Variants in GRAMD1C observed in about 807,000 individuals in gnomAD.
The protein encoded by GRAMD1C is protein Aster-C.
In GRAMD1C, 89 loss-of-function variants were observed where a neutral mutation model predicts 97.8. The ratio of observed to expected loss-of-function variants is 0.91; its 90% CI spans 0.77 to 1.09. GRAMD1C has a LOEUF of 1.09. Among genes scored for constraint, GRAMD1C ranks in the 50% least tolerant of loss-of-function variants. The pLI is 0.00. For synonymous variants in GRAMD1C, 256 were observed against 267.0 expected (o/e 0.96, Z 0.40); for missense variants, 740 against 766.4 (o/e 0.97, Z 0.41).
intron 8 of GRAMD1C, among the ~76,000 whole-genome samples, chr3:113,905,130 G>A (rs1241138275): frequency 1.3e-5 from 2 of 152,146 alleles, no homozygotes; most frequent in Non-Finnish European, 2.9e-5. Flanking sequence ...CAGCATGCCC[G>A]GCCAACACTT....
At chr3:113,848,996 C>CAAAT (rs1438924873) in intron 2 of GRAMD1C, among the ~76,000 whole-genome samples, 1 of 151,446 alleles carries the variant, frequency 6.6e-6, no homozygotes, top group Non-Finnish European at 1.5e-5. Context: ...AACAAACAAA[C>CAAAT]AACCAAAAAA....
intron 2 of GRAMD1C, among the ~76,000 whole-genome samples, chr3:113,867,687 G>C (rs1036181655): frequency 2.0e-5 from 3 of 152,150 alleles, no homozygotes; most frequent in African/African-American, 7.2e-5. Flanking sequence ...TTTTTCAACT[G>C]TATGTGATGA....
At chr3:113,842,248 C>T (rs926848898) in intron 1 of GRAMD1C, among the ~76,000 whole-genome samples, 11 of 152,146 alleles carry the variant, frequency 7.2e-5, no homozygotes, top group African/African-American at 2.4e-4. Context: ...TTAGTGGGAA[C>T]TCTAGGTATA....
At chr3:113,848,413 T>C (rs1010106497) in intron 2 of GRAMD1C, among the ~76,000 whole-genome samples, 1 of 152,222 alleles carries the variant, frequency 6.6e-6, no homozygotes, top group Non-Finnish European at 1.5e-5. Flanking sequence ...TCTATGGCTG[T>C]TGATAGTGAG....
intron 6 of GRAMD1C, chr3:113,886,126 A>G (rs924006031): frequency 6.1e-6 from 9 of 1,484,134 alleles, no homozygotes; most frequent in African/African-American, 1.4e-5. Context: ...GTCCAATGTG[A>G]GGACTGCCTG....
In GRAMD1C at chr3:113,902,342, T is replaced by G. The variant is rs146337716; in HGVS notation, c.656+1196T>G. Among the ~76,000 whole-genome samples, 641 of 152,338 alleles carry G rather than the reference T, an allele frequency of 4.2e-3. 13 individuals carry two copies. The highest frequency in any genetic ancestry group is 0.033 in the South Asian group (161 of 4,830). Reference sequence around the variant, plus strand: ...GTAAAGTTAAAAATTTCCATTGTATTGTTCTCCTTGAGAAGTTTAGTAGCC... The same window carrying G: ...GTAAAGTTAAAAATTTCCATTGTATGGTTCTCCTTGAGAAGTTTAGTAGCC... On this transcript the variant is annotated intron_variant, in intron 7 of 17. Transcript: ENST00000358160.
At chr3:113,859,446 A>G (rs1351528855) in intron 2 of GRAMD1C, among the ~76,000 whole-genome samples, 1 of 152,206 alleles carries the variant, frequency 6.6e-6, no homozygotes, top group Non-Finnish European at 1.5e-5. Flanking sequence ...GTCAGAAAAT[A>G]TACACTGTTT....
intron 7 of GRAMD1C, among the ~76,000 whole-genome samples, chr3:113,901,804 AG>A (rs764612333): frequency 1.3e-5 from 2 of 152,236 alleles, no homozygotes; most frequent in Non-Finnish European, 2.9e-5. Flanking sequence ...AAAACAATTA[AG>A]GAGAATACAT....
At chr3:113,858,394 A>AT (rs71144094) in intron 2 of GRAMD1C, among the ~76,000 whole-genome samples, 55,150 of 108,716 alleles carry the variant, frequency 0.51, 15,144 homozygotes, top group Middle Eastern at 0.68. Context: ...TCCCAGCTAC[A>AT]TTTTTTTTTT....
At chr3:113,926,488 C>CCTAT (rs1937233637) in intron 10 of GRAMD1C, among the ~76,000 whole-genome samples, 1 of 151,982 alleles carries the variant, frequency 6.6e-6, no homozygotes, top group African/African-American at 2.4e-5. Context: ...GATTTTCATT[C>CCTAT]CTATCTATAT....
chr3:113,898,099 G>C (rs949844684), intron 6 of GRAMD1C, among the ~76,000 whole-genome samples: 6 of 152,044 alleles, frequency 3.9e-5, no homozygotes, highest in Non-Finnish European at 7.4e-5. Flanking sequence ...AGCTTGAAAA[G>C]TATATTGTGA....
intron 2 of GRAMD1C, among the ~76,000 whole-genome samples, chr3:113,862,386 A>C (rs1442836745): frequency 6.6e-6 from 1 of 152,210 alleles, no homozygotes; most frequent in Non-Finnish European, 1.5e-5. Flanking sequence ...GCTGAGAAAA[A>C]GAATTCAGCG....
At chr3:113,885,247 C>T (rs1935424830) in intron 6 of GRAMD1C, 20 of 1,124,282 alleles carry the variant, frequency 1.8e-5, no homozygotes, top group Non-Finnish European at 2.3e-5. Context: ...GGGGGGCTGG[C>T]GGAGCTGGGC....
rs1936487451 is a variant in GRAMD1C at position 113,909,487 on chromosome 3, C to A, written c.952+367C>A. Among the ~76,000 whole-genome samples the A allele has an allele frequency of 2.0e-5, 3 of 152,142 alleles. No homozygotes were observed. The South Asian group carries it at 6.2e-4, about 32-fold the overall frequency. Reference sequence around the variant, plus strand: ...CATTTTCCTGGTAGGGAAAATAAGACCTACAGGAGCTAAATCTAAAGTCAC... The same window carrying A: ...CATTTTCCTGGTAGGGAAAATAAGAACTACAGGAGCTAAATCTAAAGTCAC... On this transcript the variant is annotated intron_variant, in intron 9 of 17. Transcript: ENST00000358160.
upstream of GRAMD1C, chr3:113,838,736 G>T (rs1283808310): frequency 5.2e-6 from 2 of 387,708 alleles, no homozygotes; most frequent in Non-Finnish European, 9.0e-6. Flanking sequence ...AACACCCATC[G>T]TCAGGAATCC....
intron 5 of GRAMD1C, among the ~76,000 whole-genome samples, chr3:113,882,112 T>C (rs765217435): frequency 1.1e-4 from 17 of 152,190 alleles, no homozygotes; most frequent in Non-Finnish European, 2.1e-4. Context: ...CATTTTCTTA[T>C]AAAAGCCTAT....
At chr3:113,909,640 A>G (rs1936496151) in intron 9 of GRAMD1C, among the ~76,000 whole-genome samples, 1 of 152,198 alleles carries the variant, frequency 6.6e-6, no homozygotes, top group African/African-American at 2.4e-5. Flanking sequence ...ACAGCTTAGC[A>G]AGGTTTTTCT....
At chr3:113,830,184 G>C (rs544288729) in intron 1 of GRAMD1C, among the ~76,000 whole-genome samples, 1 of 152,208 alleles carries the variant, frequency 6.6e-6, no homozygotes, top group South Asian at 2.1e-4. Flanking sequence ...AAAGAAGCTG[G>C]CCACTCCACC....
chr3:113,838,864 G>GGTGCGGTGCGCGCGGGGCGGTGCC lies in GRAMD1C; in HGVS notation c.-44_-21dup. The GGTGCGGTGCGCGCGGGGCGGTGCC allele has an allele frequency of 8.2e-7, 1 of 1,219,936 alleles. No homozygotes were observed. Among genetic ancestry groups the GGTGCGGTGCGCGCGGGGCGGTGCC allele is most frequent in the Non-Finnish European group, 1.0e-6 (1 of 976,996 alleles). The allele number at this position is 1,219,936 out of a possible 1,614,324, so 75.6% of individuals were successfully genotyped here. On this transcript the variant is annotated 5_prime_UTR_variant, in exon 1 of 18. Coordinates refer to ENST00000358160, the MANE Select transcript of GRAMD1C (RefSeq NM_017577.5). ...GCTGGAGGTGGGCGCGGGGCGGTGCGGTGCGGTGCGCGCGGGGCGGTGCCG... is the reference window on the plus strand; with the variant it reads ...GCTGGAGGTGGGCGCGGGGCGGTGCGGTGCGGTGCGCGCGGGGCGGTGCCGTGCGGTGCGCGCGGGGCGGTGCCG...
Sources: gnomAD v4.1 joint callset for allele counts (sites outside exome capture counted in the v4.1 genomes callset) on GRCh38, gnomAD v4.1.1 for gene constraint, MANE v1.5 for transcripts, NCBI Gene and HGNC (gene_info 2026-07-23, HGNC 2026-07-21) for gene names.